The following PHF12 variants were observed in gnomAD, a reference collection of about 807,000 sequenced individuals.
PHF12 encodes the protein PHD factor 1.
Under a neutral mutation model 99.8 loss-of-function variants are expected in PHF12, and 6 were observed. The observed-to-expected ratio is 0.06, with a 90% CI of 0.03 to 0.12. The LOEUF (loss-of-function observed/expected upper bound fraction) is 0.12. Among genes scored for constraint, PHF12 ranks in the 10% least tolerant of loss-of-function variants. The pLI is 1.00. For synonymous variants in PHF12, 480 were observed against 514.9 expected (o/e 0.93, Z 0.92); for missense variants, 954 against 1,300.1 (o/e 0.73, Z 4.09).
intron 2 of PHF12, among the ~76,000 whole-genome samples, chr17:28,929,484 A>T (rs2040355783): frequency 2.0e-5 from 3 of 152,146 alleles, no homozygotes; most frequent in Admixed American, 6.5e-5. Context: ...ACCTCAGGTG[A>T]TCCACCAACC....
At chr17:28,916,095 A>T (rs546429345) in intron 7 of PHF12, among the ~76,000 whole-genome samples, 1 of 152,362 alleles carries the variant, frequency 6.6e-6, no homozygotes, top group South Asian at 2.1e-4. Context: ...CTGTGTCTCC[A>T]CTGATGTATA....
In PHF12 at chr17:28,912,997, C is replaced by A. The variant is rs763495366; in HGVS notation, c.1574G>T (p.Cys525Phe). The change falls in exon 9 of 15, where the codon TGT becomes TTT. Residue 525 changes from cysteine (C) to phenylalanine (F), a missense_variant. Coordinates refer to ENST00000332830, the MANE Select transcript of PHF12 (RefSeq NM_001033561.2). ...AGGGGTTTTCTTGGATTTTTCCGCA[C>A]AAGAACTGCAGCCGATGTCCTCTAG... ...PALEDIGCSSCAEKSKKTPCG... is the reference protein window; with the variant it reads ...PALEDIGCSSFAEKSKKTPCG... 5 of 1,614,094 alleles carry A rather than the reference C, an allele frequency of 3.1e-6. No individual in the cohort carries two copies. The African/African-American group carries it at 6.7e-5, about 22-fold the overall frequency.
At chr17:28,918,648 T>C (rs2040103167) in intron 6 of PHF12, among the ~76,000 whole-genome samples, 1 of 152,226 alleles carries the variant, frequency 6.6e-6, no homozygotes, top group Non-Finnish European at 1.5e-5. Context: ...TAAAGAGATG[T>C]CCTAAACTTC....
At chr17:28,941,680 T>C (rs530906056) in intron 2 of PHF12, among the ~76,000 whole-genome samples, 36 of 152,212 alleles carry the variant, frequency 2.4e-4, no homozygotes, top group Admixed American at 1.2e-3. Context: ...GCGTGATCAC[T>C]GCAACCTCCA....
At chr17:28,907,156 C>T (rs2039885941) in intron 13 of PHF12, 162 bp from the exon 14 acceptor site, 1 of 770,128 alleles carries the variant, frequency 1.3e-6, no homozygotes, top group South Asian at 2.1e-5. Context: ...CTGGAGACAC[C>T]TCCTCAGGGA....
chr17:28,920,615 T>A (rs1224246868), intron 5 of PHF12, among the ~76,000 whole-genome samples: 1 of 152,244 alleles, frequency 6.6e-6, no homozygotes, highest in Non-Finnish European at 1.5e-5. Context: ...CAGGCTAGAG[T>A]GCAGTGGCGT....
intron 9 of PHF12, chr17:28,912,190 G>C: frequency 8.1e-7 from 1 of 1,230,112 alleles, no homozygotes; most frequent in Non-Finnish European, 1.0e-6. Context: ...GCCTAGGCCT[G>C]GAAGGTATGG....
intron 3 of PHF12, chr17:28,926,690 G>A: frequency 9.7e-7 from 1 of 1,033,276 alleles, no homozygotes; most frequent in Non-Finnish European, 1.3e-6. Context: ...TTGTTTTTCA[G>A]CCATGGATAA....
In PHF12 at chr17:28,917,462, C is replaced by G; in HGVS notation, c.970-13G>C. 1 of 1,590,988 alleles carries G rather than the reference C, an allele frequency of 6.3e-7. No individual in the cohort carries two copies. Among genetic ancestry groups the G allele is most frequent in the Non-Finnish European group, 8.6e-7 (1 of 1,167,152 alleles). On this transcript the variant is annotated splice_polypyrimidine_tract_variant and intron_variant, in intron 6 of 14. Transcript: ENST00000332830. ...TCTTCTGGTTCAGCTAGGGACAAAG[C>G]AGACACAACCTTGTGGTGAGCCTCA...
chr17:28,905,251 T>G lies in PHF12; in HGVS notation c.*932A>C, dbSNP rs2039853488. The G allele has an allele frequency of 1.3e-5, 2 of 152,534 alleles. No homozygotes were observed. The highest frequency in any genetic ancestry group is 4.8e-5 in the African/African-American group (2 of 41,418). The allele number at this position is 152,534 out of a possible 1,614,324, so 9.4% of individuals were successfully genotyped here. On this transcript the variant is annotated 3_prime_UTR_variant, in exon 15 of 15. Coordinates refer to ENST00000332830, the MANE Select transcript of PHF12 (RefSeq NM_001033561.2). ...GTAGGACAGACAGTCAGAAAACAATTTGAAGTATTTTTGTTTTTTATATAC... is the reference window on the plus strand; with the variant it reads ...GTAGGACAGACAGTCAGAAAACAATGTGAAGTATTTTTGTTTTTTATATAC...
In PHF12 at chr17:28,951,106, A is replaced by AC; in HGVS notation, c.-147dup. On this transcript the variant is annotated 5_prime_UTR_variant, in exon 1 of 15. Coordinates refer to ENST00000332830, the MANE Select transcript of PHF12 (RefSeq NM_001033561.2). The stretch of plus-strand genomic sequence containing the variant: ...GACTTCCTCGCCCTGGCTCCCCCCC[A>AC]CCCCCCGGCCCCCAGTCCCCGGGAC... 9.0e-7 allele frequency: 1 copy of AC among 1,115,776 alleles called. No homozygotes were observed. The highest frequency in any genetic ancestry group is 1.2e-6 in the Non-Finnish European group (1 of 813,896). 69.1% of individuals were successfully genotyped at this position (1,115,776 alleles called of 1,614,324 possible).
rs2040798756 is a variant in PHF12 at position 28,950,901 on chromosome 17, C to A, written c.60G>T (p.Leu20=). The part of the protein sequence containing the change: ...IVYDLDTSGG[L]MEQIQALLAP... ...TGAGGAGGGCCACTCTTACCTCCATCAGCCCCCCTGATGTGTCCAAGTCGT... is the reference window on the plus strand; with the variant it reads ...TGAGGAGGGCCACTCTTACCTCCATAAGCCCCCCTGATGTGTCCAAGTCGT... Residue 20 remains leucine, a synonymous_variant, in exon 1 of 15, where the codon CTG becomes CTT. Transcript: ENST00000332830. The surrounding 1 kb of genome is among the most constrained non-coding windows in gnomAD (Gnocchi z 5.7). 6.2e-7 allele frequency: 1 copy of A among 1,613,724 alleles called. No homozygotes were observed. The highest frequency in any genetic ancestry group is 8.5e-7 in the Non-Finnish European group (1 of 1,179,806).
chr17:28,945,184 CAG>C (rs1164526837), intron 2 of PHF12: 1 of 152,180 alleles, frequency 6.6e-6, no homozygotes, highest in East Asian at 1.9e-4. Context: ...CACTTGAGCC[CAG>C]AGTTTGAGGC....
Position 28,951,335 on chromosome 17 carries a change from G to A in PHF12, c.-375C>T, listed in dbSNP as rs926579312. 4.4e-5 allele frequency: 46 copies of A among 1,049,968 alleles called. No individual in the cohort carries two copies. The Admixed American group carries it at 7.1e-4, about 16-fold the overall frequency. The allele number at this position is 1,049,968 out of a possible 1,614,324, so 65.0% of individuals were successfully genotyped here. ...CCGGGGCTGGGGGTATCGGAGGGGGGGTGAGAGGTTACGTGAGGTTGTGGT... is the reference window on the plus strand; with the variant it reads ...CCGGGGCTGGGGGTATCGGAGGGGGAGTGAGAGGTTACGTGAGGTTGTGGT... On this transcript the variant is annotated 5_prime_UTR_variant, in exon 1 of 15. Transcript: ENST00000332830.
At position 28,905,338 on chromosome 17, in the gene PHF12, G is replaced by C. The variant is rs982415484; in HGVS notation, c.*845C>G. On this transcript the variant is annotated 3_prime_UTR_variant, in exon 15 of 15. Transcript: ENST00000332830. ...ACAATTACTATGTACATTGGTACTG[G>C]TTGTGGGGGTGGGAGGAGAGGAGGG... is the stretch of plus-strand genomic sequence containing the variant. 1 of 152,794 alleles carries C rather than the reference G, an allele frequency of 6.5e-6. No homozygotes were observed. Among genetic ancestry groups the C allele is most frequent in the Non-Finnish European group, 1.5e-5 (1 of 68,062 alleles). The allele number at this position is 152,794 out of a possible 1,614,324, so 9.5% of individuals were successfully genotyped here. A position where few individuals can be genotyped will look rare whatever the true frequency, so the allele number is the denominator to read the frequency against.
chr17:28,925,871 T>C (rs2040263831), intron 3 of PHF12: 1 of 152,262 alleles, frequency 6.6e-6, no homozygotes, highest in Admixed American at 6.5e-5. Flanking sequence ...TCCACCGTCT[T>C]TACCCCTTTT....
chr17:28,939,061 GATACTTTTCTTAAC>G (rs1227711671), intron 2 of PHF12, among the ~76,000 whole-genome samples: 9 of 152,234 alleles, frequency 5.9e-5, no homozygotes, highest in Non-Finnish European at 1.2e-4. Flanking sequence ...ATAAAATGGA[GATACTTTTCTTAAC>G]ATACAGCTTA....
intron 2 of PHF12, among the ~76,000 whole-genome samples, chr17:28,933,629 T>A (rs2040454955): frequency 6.6e-6 from 1 of 152,160 alleles, no homozygotes; most frequent in Admixed American, 6.5e-5. Flanking sequence ...CTCCTTAACC[T>A]CAAGGCTGCG....
intron 5 of PHF12, among the ~76,000 whole-genome samples, chr17:28,921,079 T>C (rs2040155069): frequency 6.6e-6 from 1 of 151,534 alleles, no homozygotes; most frequent in Non-Finnish European, 1.5e-5. Flanking sequence ...TGAGACAGGG[T>C]TTCACCATGT....
Sources: gnomAD v4.1 joint callset for allele counts (sites outside exome capture counted in the v4.1 genomes callset) on GRCh38, gnomAD v4.1.1 for gene constraint, Gnocchi (gnomAD v3.1) non-coding constraint, MANE v1.5 for transcripts, NCBI Gene and HGNC (gene_info 2026-07-23, HGNC 2026-07-21) for gene names.